ZNF804A: variants seen among roughly 807,000 people sequenced by gnomAD.
The protein encoded by ZNF804A is zinc finger protein 804A.
A neutral mutation model predicts 16.5 loss-of-function variants in ZNF804A; 2 were observed. The observed-to-expected ratio is 0.12, with a 90% CI of 0.05 to 0.38. The LOEUF (loss-of-function observed/expected upper bound fraction) is 0.38, where lower values mean the gene tolerates loss of function less well. ZNF804A is among the 10% of genes least tolerant of loss of function. The probability of loss-of-function intolerance (pLI) is 0.99; values close to 1 mark genes in which losing one functional copy is unlikely to be tolerated. For synonymous variants in ZNF804A, 534 were observed against 489.6 expected (o/e 1.09, Z -1.20); for missense variants, 1,473 against 1,390.7 (o/e 1.06, Z -0.94).
At chr2:184,714,006 A>T (rs1255926217) in intron 1 of ZNF804A, among the ~76,000 whole-genome samples, 1 of 152,036 alleles carries the variant, frequency 6.6e-6, no homozygotes, top group Non-Finnish European at 1.5e-5. Flanking sequence ...TTTTGTTTAA[A>T]AACACCGGTA....
chr2:184,786,128 A>G (rs1332060278), intron 1 of ZNF804A, among the ~76,000 whole-genome samples: 3 of 152,088 alleles, frequency 2.0e-5, no homozygotes, highest in African/African-American at 4.8e-5. Context: ...CTCTAAAGGT[A>G]ATAAAAGACA....
At chr2:184,612,622 A>G (rs866897631) in intron 1 of ZNF804A, among the ~76,000 whole-genome samples, 1 of 152,072 alleles carries the variant, frequency 6.6e-6, no homozygotes, top group Non-Finnish European at 1.5e-5. Flanking sequence ...TTTAGTAGAG[A>G]CAGGGTTTCT....
At chr2:184,622,726 G>A (rs1321885997) in intron 1 of ZNF804A, among the ~76,000 whole-genome samples, 1 of 151,852 alleles carries the variant, frequency 6.6e-6, no homozygotes, top group Non-Finnish European at 1.5e-5. Context: ...TCATTGATTT[G>A]TATAAGATGT....
At chr2:184,703,374 A>G (rs1692959248) in intron 1 of ZNF804A, among the ~76,000 whole-genome samples, 1 of 152,146 alleles carries the variant, frequency 6.6e-6, no homozygotes, top group African/African-American at 2.4e-5. Context: ...GTGAACACAT[A>G]TACTCTAGTT....
Position 184,758,622 on chromosome 2 carries a change from A to G in ZNF804A, c.112-107747A>G, listed in dbSNP as rs181552930. 9.2e-5 allele frequency among the ~76,000 whole-genome samples: 14 copies of G among 152,108 alleles called. No homozygotes were observed. The East Asian group carries it at 2.5e-3, about 27-fold the overall frequency. ...TATCAAGTCTAATATTTTGTAGAAG[A>G]CATCATCAAATTATGCTCTCATTCA... On this transcript the variant is annotated intron_variant, in intron 1 of 3. Coordinates refer to ENST00000302277, the MANE Select transcript of ZNF804A (RefSeq NM_194250.2).
chr2:184,817,266 C>G (rs1694997621), intron 1 of ZNF804A, among the ~76,000 whole-genome samples: 1 of 151,750 alleles, frequency 6.6e-6, no homozygotes, highest in South Asian at 2.1e-4. Context: ...AACAAAGCCA[C>G]TAGGGTCTGG....
chr2:184,749,128 A>G (rs1693839324), intron 1 of ZNF804A, among the ~76,000 whole-genome samples: 1 of 150,858 alleles, frequency 6.6e-6, no homozygotes, highest in African/African-American at 2.4e-5. Flanking sequence ...GTGAGGAATT[A>G]TATGGGTAGT....
chr2:184,829,602 C>T (rs1026172799), intron 1 of ZNF804A, among the ~76,000 whole-genome samples: 1 of 151,766 alleles, frequency 6.6e-6, no homozygotes, highest in Non-Finnish European at 1.5e-5. Context: ...AAAATCTAGA[C>T]TTATATTATC....
At chr2:184,925,941 G>A (rs1018238626) in intron 2 of ZNF804A, among the ~76,000 whole-genome samples, 3 of 151,844 alleles carry the variant, frequency 2.0e-5, no homozygotes, top group Non-Finnish European at 4.4e-5. Flanking sequence ...TGGAGATGGA[G>A]TCTCGCTCTA....
intron 1 of ZNF804A, among the ~76,000 whole-genome samples, chr2:184,608,717 G>A (rs1026612354): frequency 6.6e-6 from 1 of 152,158 alleles, no homozygotes; most frequent in African/African-American, 2.4e-5. Flanking sequence ...ATATGACCAT[G>A]AGATGGATGA....
intron 2 of ZNF804A, among the ~76,000 whole-genome samples, chr2:184,870,878 T>A (rs1388481002): frequency 6.6e-6 from 1 of 151,730 alleles, no homozygotes; most frequent in South Asian, 2.1e-4. Context: ...TTCAGAAGAG[T>A]AATGCTACTG....
chr2:184,622,684 A>G (rs987691790), intron 1 of ZNF804A, among the ~76,000 whole-genome samples: 1 of 151,974 alleles, frequency 6.6e-6, no homozygotes, highest in East Asian at 1.9e-4. Flanking sequence ...TGTTAAATGT[A>G]TAAAAACAAT....
At chr2:184,874,019 C>T (rs751236374) in intron 2 of ZNF804A, among the ~76,000 whole-genome samples, 38 of 151,972 alleles carry the variant, frequency 2.5e-4, no homozygotes, top group Non-Finnish European at 3.7e-4. Context: ...TCACAAAATG[C>T]AAAATTATTC....
At chr2:184,691,752 G>A (rs953216089) in intron 1 of ZNF804A, among the ~76,000 whole-genome samples, 7 of 151,628 alleles carry the variant, frequency 4.6e-5, no homozygotes, top group Admixed American at 3.3e-4. Context: ...TTTCTAGTAC[G>A]AATTCGTTGT....
chr2:184,852,056 A>G (rs1695611499), intron 1 of ZNF804A, among the ~76,000 whole-genome samples: 1 of 151,756 alleles, frequency 6.6e-6, no homozygotes, highest in African/African-American at 2.4e-5. Flanking sequence ...GTCTTTAGTC[A>G]TTTGAATTTC....
At chr2:184,920,994 T>C (rs1421275932) in intron 2 of ZNF804A, among the ~76,000 whole-genome samples, 2 of 152,210 alleles carry the variant, frequency 1.3e-5, no homozygotes, top group African/African-American at 4.8e-5. Flanking sequence ...TACACCAAAA[T>C]AGAAAATTCA....
chr2:184,838,190 C>G (rs1477335218), intron 1 of ZNF804A, among the ~76,000 whole-genome samples: 2 of 152,032 alleles, frequency 1.3e-5, no homozygotes, highest in African/African-American at 2.4e-5. Context: ...AGTTCAGCAG[C>G]TTGGGCAATC....
Position 184,937,230 on chromosome 2 carries a change from A to G in ZNF804A, c.1834A>G (p.Lys612Glu), listed in dbSNP as rs1363374649. ...TCAGCATCATCATATGGAGAAAACC[A>G]AAGAATCAGAAACTCGCTGCAAAAT... is the stretch of plus-strand genomic sequence containing the variant. ...LCQHHHMEKT[K>E]ESETRCKMEA... Residue 612 changes from lysine (K) to glutamate (E), a missense_variant, in exon 4 of 4, where the codon AAA (lysine) becomes GAA (glutamate). Transcript: ENST00000302277. 2.5e-6 allele frequency: 4 copies of G among 1,609,648 alleles called. No individual in the cohort carries two copies. In the South Asian group the frequency reaches 3.3e-5, roughly 13 times the overall value.
At chr2:184,645,593 C>T (rs1378893727) in intron 1 of ZNF804A, among the ~76,000 whole-genome samples, 1 of 152,092 alleles carries the variant, frequency 6.6e-6, no homozygotes, top group Non-Finnish European at 1.5e-5. Context: ...AAGCTGATAA[C>T]ATTATTGGAA....
Sources: gnomAD v4.1 joint callset for allele counts (sites outside exome capture counted in the v4.1 genomes callset) on GRCh38, gnomAD v4.1.1 for gene constraint, MANE v1.5 for transcripts, NCBI Gene and HGNC (gene_info 2026-07-23, HGNC 2026-07-21) for gene names.